PCDH15: variants seen among roughly 807,000 people sequenced by gnomAD.
PCDH15 encodes the protein protocadherin related 15, also known as protocadherin-15.
PCDH15 carries 129 observed loss-of-function variants against 178.5 expected under a neutral mutation model. The ratio of observed to expected loss-of-function variants is 0.72; its 90% CI spans 0.63 to 0.84. The LOEUF (loss-of-function observed/expected upper bound fraction) is 0.84, where lower values mean the gene tolerates loss of function less well. Among genes scored for constraint, PCDH15 ranks in the 40% least tolerant of loss-of-function variants. The probability of loss-of-function intolerance (pLI) is 0.00; values close to 1 mark genes in which losing one functional copy is unlikely to be tolerated. For synonymous variants in PCDH15, 800 were observed against 732.0 expected, an observed-to-expected ratio of 1.09 and a Z score of -1.50; for missense variants, 2,230 against 2,099.9, an observed-to-expected ratio of 1.06 and a Z score of -1.21.
At chr10:54,320,616 CTTTT>C (rs2061539906) in intron 7 of PCDH15, among the ~76,000 whole-genome samples, 1 of 151,854 alleles carries the variant, frequency 6.6e-6, no homozygotes, top group South Asian at 2.1e-4. Context: ...AAACTTGCCA[CTTTT>C]TTAATACTGA....
At chr10:55,542,315 G>T (rs1334533) in intron 2 of PCDH15, among the ~76,000 whole-genome samples, 114,380 of 150,438 alleles carry the variant, frequency 0.76, 44,636 homozygotes, top group East Asian at 0.99. Context: ...TCCATATATG[G>T]ACATATATAC....
At chr10:54,699,265 G>A (rs1015941120) in intron 1 of PCDH15, among the ~76,000 whole-genome samples, 13 of 151,678 alleles carry the variant, frequency 8.6e-5, no homozygotes, top group African/African-American at 2.4e-4. Flanking sequence ...CAGGTTTTAT[G>A]TAAAAAAAAA....
At chr10:54,403,880 C>T (rs1952265586) in intron 3 of PCDH15, among the ~76,000 whole-genome samples, 1 of 150,020 alleles carries the variant, frequency 6.7e-6, no homozygotes, top group Non-Finnish European at 1.5e-5. Flanking sequence ...CACACACAAA[C>T]ACACACACAC....
At chr10:54,937,545 T>C (rs1837938876) in intron 2 of PCDH15, among the ~76,000 whole-genome samples, 1 of 152,018 alleles carries the variant, frequency 6.6e-6, no homozygotes, top group Non-Finnish European at 1.5e-5. Flanking sequence ...TTTGTTAAAT[T>C]TATTCTTTAG....
chr10:54,837,309 A>C (rs1200038577), intron 3 of PCDH15, among the ~76,000 whole-genome samples: 4 of 152,150 alleles, frequency 2.6e-5, no homozygotes, highest in Non-Finnish European at 1.5e-5. Context: ...AAAAACAATA[A>C]AAACTAATGT....
At chr10:54,122,146 T>C (rs532084715) in intron 15 of PCDH15, among the ~76,000 whole-genome samples, 33 of 151,982 alleles carry the variant, frequency 2.2e-4, no homozygotes, top group African/African-American at 7.7e-4. Context: ...ACACATCAAA[T>C]ATTTAATTTA....
At chr10:55,568,420 C>A (rs1410962644) in intron 2 of PCDH15, among the ~76,000 whole-genome samples, 1 of 151,858 alleles carries the variant, frequency 6.6e-6, no homozygotes, top group Non-Finnish European at 1.5e-5. Flanking sequence ...GAAAATTTTT[C>A]AGTTTTAAAG....
intron 15 of PCDH15, among the ~76,000 whole-genome samples, chr10:54,129,010 T>G (rs2042207437): frequency 6.6e-6 from 1 of 152,132 alleles, no homozygotes; most frequent in African/African-American, 2.4e-5. Flanking sequence ...TAAAAGAATG[T>G]GATGTAATGG....
chr10:55,159,970 C>T (rs1348041534), intron 2 of PCDH15, among the ~76,000 whole-genome samples: 3 of 151,558 alleles, frequency 2.0e-5, no homozygotes, highest in African/African-American at 7.3e-5. Context: ...TCTCATAAAA[C>T]ACTTAAACAT....
intron 31 of PCDH15, among the ~76,000 whole-genome samples, chr10:53,827,909 AAGAT>A (rs1417718361): frequency 6.6e-6 from 1 of 152,016 alleles, no homozygotes; most frequent in African/African-American, 2.4e-5. Flanking sequence ...TATTAAAGAT[AAGAT>A]AGATAATTTT....
intron 1 of PCDH15, among the ~76,000 whole-genome samples, chr10:54,739,221 A>C (rs1239212680): frequency 6.6e-6 from 1 of 152,036 alleles, no homozygotes; most frequent in Non-Finnish European, 1.5e-5. Flanking sequence ...AATTCAGTAA[A>C]GTTGCTACAA....
intron 6 of PCDH15, among the ~76,000 whole-genome samples, chr10:54,341,206 C>T (rs1403732413): frequency 6.6e-6 from 1 of 152,088 alleles, no homozygotes; most frequent in Non-Finnish European, 1.5e-5. Flanking sequence ...GGCTCTGTGT[C>T]CCCACCCAAA....
In PCDH15 at chr10:54,369,179, C is replaced by G; in HGVS notation, c.415G>C (p.Asp139His). 1 of 1,613,058 alleles carries G rather than the reference C, an allele frequency of 6.2e-7. No homozygotes were observed. ...IYHEVRIVVR[D>H]RNDNSPTFKH... ...AAAGTGGGTGAGTTGTCATTCCTGT[C>G]TCTCACCACTATTCGCACTTCATGG... The change falls in exon 5 of 38, where the codon GAC (aspartate) becomes CAC (histidine). Residue 139 changes from aspartate (D) to histidine (H), a missense_variant. Asp to His is a moderately conservative substitution (Grantham distance 81). Transcript: ENST00000644397.
intron 2 of PCDH15, among the ~76,000 whole-genome samples, chr10:55,570,333 C>A (rs1842385005): frequency 6.6e-6 from 1 of 151,924 alleles, no homozygotes; most frequent in Admixed American, 6.6e-5. Context: ...CAACCCTGTT[C>A]ACATTTTAGA....
chr10:55,554,173 A>T (rs1041756089), intron 2 of PCDH15, among the ~76,000 whole-genome samples: 1 of 152,074 alleles, frequency 6.6e-6, no homozygotes, highest in Non-Finnish European at 1.5e-5. Flanking sequence ...ATTCAAGAAG[A>T]CTGGCATACA....
intron 4 of PCDH15, among the ~76,000 whole-genome samples, chr10:54,374,647 T>C (rs1259776310): frequency 6.6e-6 from 1 of 152,024 alleles, no homozygotes; most frequent in Admixed American, 6.6e-5. Context: ...TTTGTAACTC[T>C]TCCTTTCTTT....
intron 25 of PCDH15, among the ~76,000 whole-genome samples, chr10:53,928,754 T>A (rs2084792440): frequency 6.6e-6 from 1 of 152,030 alleles, no homozygotes; most frequent in African/African-American, 2.4e-5. Context: ...GGCCTCATTA[T>A]TAATCAGTAA....
In PCDH15 at chr10:54,958,868, T is replaced by C. The variant is rs544187862; in HGVS notation, c.-79-61368A>G. Among the ~76,000 whole-genome samples, 9 of 152,016 alleles carry C rather than the reference T, an allele frequency of 5.9e-5. No homozygotes were observed. In the South Asian group the frequency reaches 1.0e-3, roughly 17 times the overall value. On this transcript the variant is annotated intron_variant, in intron 2 of 5. Transcript: ENST00000458638. ...GACATCCCCAACATGCATATTAAAA[T>C]GACACCTATGTTCTTTGTAAAACTG...
intron 20 of PCDH15, among the ~76,000 whole-genome samples, chr10:54,017,256 C>T (rs1451751491): frequency 6.6e-6 from 1 of 151,966 alleles, no homozygotes; most frequent in Non-Finnish European, 1.5e-5. Flanking sequence ...AACTCCTGAC[C>T]TCAGGTGATC....
Sources: allele counts gnomAD v4.1 joint callset (sites outside exome capture counted in the v4.1 genomes callset), GRCh38; gene constraint gnomAD v4.1.1; transcripts MANE v1.5; gene names NCBI Gene and HGNC (gene_info 2026-07-23, HGNC 2026-07-21).